The following CDH12 variants were observed in gnomAD, a reference collection of about 807,000 sequenced individuals.
CDH12 encodes the protein cadherin-12.
In CDH12, 41 loss-of-function variants were observed where a neutral mutation model predicts 74.1. The observed-to-expected ratio is 0.55, with a 90% confidence interval of 0.43 to 0.72. CDH12 has a LOEUF of 0.72. CDH12 is among the 30% of genes least tolerant of loss of function. The pLI is 0.00. For synonymous variants in CDH12, 399 were observed against 355.0 expected, an observed-to-expected ratio of 1.12 and a Z score of -1.39; for missense variants, 945 against 977.2, an observed-to-expected ratio of 0.97 and a Z score of 0.44.
intron 3 of CDH12, among the ~76,000 whole-genome samples, chr5:22,351,399 G>T (rs1266560884): frequency 6.6e-6 from 1 of 152,126 alleles, no homozygotes; most frequent in African/African-American, 2.4e-5. Flanking sequence ...AGCTAAGCAG[G>T]CAGAGCTGAT....
chr5:22,714,302 C>T (rs563929055), intron 1 of CDH12, among the ~76,000 whole-genome samples: 5 of 152,248 alleles, frequency 3.3e-5, no homozygotes, highest in African/African-American at 1.2e-4. Flanking sequence ...AGCAAACTTT[C>T]TAAATAGAGT....
intron 1 of CDH12, among the ~76,000 whole-genome samples, chr5:22,583,494 T>G (rs1464670985): frequency 2.0e-5 from 3 of 152,176 alleles, no homozygotes; most frequent in Admixed American, 2.0e-4. Context: ...CTATGGTGAA[T>G]TTGCTAAAAT....
At chr5:22,357,745 A>G (rs934610401) in intron 3 of CDH12, among the ~76,000 whole-genome samples, 1 of 152,128 alleles carries the variant, frequency 6.6e-6, no homozygotes. Context: ...AAAATGATCA[A>G]TTTTTCCCTC....
At chr5:22,418,589 A>G (rs1007535330) in intron 2 of CDH12, among the ~76,000 whole-genome samples, 9 of 152,104 alleles carry the variant, frequency 5.9e-5, no homozygotes, top group Non-Finnish European at 1.3e-4. Context: ...GTTTGTCATA[A>G]ATAACTCTTA....
intron 5 of CDH12, among the ~76,000 whole-genome samples, chr5:22,031,723 G>A (rs1040120856): frequency 6.6e-6 from 1 of 152,156 alleles, no homozygotes; most frequent in African/African-American, 2.4e-5. Context: ...GAGAAGGAGA[G>A]AGACAGGGAA....
intron 1 of CDH12, among the ~76,000 whole-genome samples, chr5:22,665,050 A>C (rs10061490): frequency 0.68 from 103,820 of 152,014 alleles, 35,619 homozygotes; most frequent in Admixed American, 0.74. Context: ...AAACTCCTGG[A>C]CTCAAGTAAT....
intron 13 of CDH12, among the ~76,000 whole-genome samples, chr5:21,760,259 A>G (rs1162470933): frequency 1.3e-5 from 2 of 152,176 alleles, no homozygotes; most frequent in Non-Finnish European, 2.9e-5. Context: ...TAAGTAATGT[A>G]TATTTGGGAC....
chr5:22,754,052 C>G (rs1030370425), intron 1 of CDH12, among the ~76,000 whole-genome samples: 1 of 152,066 alleles, frequency 6.6e-6, no homozygotes, highest in African/African-American at 2.4e-5. Context: ...ATGTCATCAT[C>G]CAAATTGACT....
intron 1 of CDH12, among the ~76,000 whole-genome samples, chr5:22,599,477 T>C (rs1736751737): frequency 6.6e-6 from 1 of 152,150 alleles, no homozygotes; most frequent in Non-Finnish European, 1.5e-5. Flanking sequence ...TGATAAATCA[T>C]AGTAAAAATA....
At chr5:22,779,217 G>A (rs553373823) in intron 1 of CDH12, among the ~76,000 whole-genome samples, 17 of 152,208 alleles carry the variant, frequency 1.1e-4, no homozygotes, top group African/African-American at 4.1e-4. Context: ...AAGCCTACTA[G>A]TTGAGAAACA....
intron 3 of CDH12, among the ~76,000 whole-genome samples, chr5:22,261,401 G>C (rs1219191889): frequency 6.6e-6 from 1 of 151,772 alleles, no homozygotes; most frequent in African/African-American, 2.4e-5. Flanking sequence ...TGTACTAGTT[G>C]TTAATAGTTG....
intron 1 of CDH12, among the ~76,000 whole-genome samples, chr5:22,751,777 T>C (rs1745589333): frequency 6.6e-6 from 1 of 152,180 alleles, no homozygotes; most frequent in African/African-American, 2.4e-5. Context: ...CACAGCAATT[T>C]GTTGGTATTT....
chr5:21,826,807 C>T (rs1264964639), intron 8 of CDH12, among the ~76,000 whole-genome samples: 2 of 152,026 alleles, frequency 1.3e-5, no homozygotes, highest in Non-Finnish European at 2.9e-5. Context: ...AGCACGTTTC[C>T]ATTATTAACT....
At chr5:22,451,410 G>T (rs1366835029) in intron 2 of CDH12, among the ~76,000 whole-genome samples, 8 of 151,742 alleles carry the variant, frequency 5.3e-5, no homozygotes, top group Non-Finnish European at 7.4e-5. Flanking sequence ...TGCGAGGATG[G>T]TTCACTATAT....
chr5:22,516,524 G>A (rs1162020151), intron 1 of CDH12, among the ~76,000 whole-genome samples: 7 of 152,190 alleles, frequency 4.6e-5, no homozygotes, highest in Non-Finnish European at 1.5e-5. Flanking sequence ...GCTGGGTGCA[G>A]TGGGTCACAC....
chr5:22,355,949 T>G (rs940505749), intron 3 of CDH12, among the ~76,000 whole-genome samples: 20 of 152,298 alleles, frequency 1.3e-4, no homozygotes, highest in African/African-American at 3.8e-4. Context: ...AAAAGAATGG[T>G]CCATTTGCAT....
chr5:22,366,221 T>C (rs1741025293), intron 3 of CDH12, among the ~76,000 whole-genome samples: 1 of 152,168 alleles, frequency 6.6e-6, no homozygotes, highest in Non-Finnish European at 1.5e-5. Flanking sequence ...CTTCCCAAAG[T>C]GCTGGGATTA....
intron 9 of CDH12, among the ~76,000 whole-genome samples, chr5:21,807,448 C>A (rs923581015): frequency 7.9e-5 from 12 of 152,032 alleles, no homozygotes; most frequent in African/African-American, 2.4e-4. Flanking sequence ...CAGGAAGAGC[C>A]CATTGGGCTA....
intron 9 of CDH12, among the ~76,000 whole-genome samples, chr5:21,816,642 A>AAAAAAAAAAAAAAAAAAAAAAAG: frequency 6.9e-6 from 1 of 144,068 alleles, no homozygotes; most frequent in Non-Finnish European, 1.5e-5. Flanking sequence ...AAAAAAAAAA[A>AAAAAAAAAAAAAAAAAAAAAAAG]AAAAAAAAAA....
Sources: gnomAD v4.1 joint callset for allele counts (sites outside exome capture counted in the v4.1 genomes callset) on GRCh38, gnomAD v4.1.1 for gene constraint, MANE v1.5 for transcripts, NCBI Gene and HGNC (gene_info 2026-07-23, HGNC 2026-07-21) for gene names.